The following CSMD1 variants were observed in gnomAD, a reference collection of about 807,000 sequenced individuals.
CSMD1 encodes the protein CUB and sushi domain-containing protein 1.
A neutral mutation model predicts 417.5 loss-of-function variants in CSMD1; 213 were observed. That is an observed-to-expected ratio of 0.51 (90% confidence interval 0.46 to 0.57). CSMD1 has a LOEUF of 0.57. Ranked by LOEUF, CSMD1 falls within the 20% of genes least tolerant of loss-of-function variation. The pLI, the probability that CSMD1 is intolerant of heterozygous loss-of-function variation, is 0.00. For missense variants in CSMD1, 6,923 were observed against 4,529.7 expected, an observed-to-expected ratio of 1.53 and a Z score of -15.17; for synonymous variants, 2,862 against 1,736.8, an observed-to-expected ratio of 1.65 and a Z score of -16.11.
chr8:4,043,573 C>T (rs537172647), intron 3 of CSMD1, among the ~76,000 whole-genome samples: 1 of 152,084 alleles, frequency 6.6e-6, no homozygotes, highest in Non-Finnish European at 1.5e-5. Flanking sequence ...TGCTGTCTGG[C>T]CGCCTTGAGG....
intron 7 of CSMD1, among the ~76,000 whole-genome samples, chr8:3,629,154 G>C (rs189470081): frequency 6.6e-6 from 1 of 152,040 alleles, no homozygotes; most frequent in Non-Finnish European, 1.5e-5. Context: ...GAAAGAACCC[G>C]GGATGTTCGC....
At chr8:3,134,851 C>T (rs1440511998) in intron 41 of CSMD1, among the ~76,000 whole-genome samples, 1 of 152,174 alleles carries the variant, frequency 6.6e-6, no homozygotes, top group East Asian at 1.9e-4. Flanking sequence ...TGTGCATAAC[C>T]CTTGGAATTT....
chr8:4,494,733 T>C (rs1044112480), intron 2 of CSMD1, among the ~76,000 whole-genome samples: 4 of 152,076 alleles, frequency 2.6e-5, no homozygotes, highest in Non-Finnish European at 5.9e-5. Context: ...TATGCAAAAA[T>C]GGCTGCATAG....
In CSMD1 at chr8:3,029,322, G is replaced by T. The variant is rs766376387; in HGVS notation, c.7852C>A (p.Arg2618=). ...GGGTGCCTCCCTCATCACTTACCTC[G>T]ACAGCTTGGCCTCTCATCTCCTATG... ...WNIGDERPSC[R]VISCGSLSFP... is the part of the protein sequence containing the mutation. The change falls in exon 51 of 70, where the codon CGA becomes AGA. Residue 2618 remains arginine (R), a synonymous_variant. Transcript: ENST00000635120. The T allele has an allele frequency of 2.5e-6, 4 of 1,601,572 alleles. No individual in the cohort carries two copies. In the Admixed American group the frequency reaches 6.8e-5, roughly 27 times the overall value.
chr8:3,945,018 G>C (rs1272835375), intron 5 of CSMD1, among the ~76,000 whole-genome samples: 1 of 152,166 alleles, frequency 6.6e-6, no homozygotes, highest in East Asian at 1.9e-4. Flanking sequence ...AATGTGAAAT[G>C]TCAGATGTCC....
chr8:4,000,986 C>A (rs1267594844), intron 4 of CSMD1, among the ~76,000 whole-genome samples: 4 of 151,642 alleles, frequency 2.6e-5, no homozygotes, highest in East Asian at 1.9e-4. Context: ...AAACTACATA[C>A]ATTCTTCATA....
intron 3 of CSMD1, among the ~76,000 whole-genome samples, chr8:4,232,444 C>T (rs1394222665): frequency 3.6e-4 from 55 of 152,124 alleles, no homozygotes; most frequent in Non-Finnish European, 1.5e-5. Flanking sequence ...GGTGATCTGC[C>T]CACCTCAGAT....
At chr8:3,308,063 CT>C (rs1805022855) in intron 24 of CSMD1, among the ~76,000 whole-genome samples, 3 of 51,230 alleles carry the variant, frequency 5.9e-5, no homozygotes, top group African/African-American at 1.5e-4. Context: ...TGTGATAATT[CT>C]AATAATATGT....
At chr8:3,237,722 T>C (rs1040915124) in intron 26 of CSMD1, among the ~76,000 whole-genome samples, 1 of 141,946 alleles carries the variant, frequency 7.0e-6, no homozygotes, top group African/African-American at 2.5e-5. Flanking sequence ...ATTATACTTA[T>C]ACTACAAATA....
chr8:4,794,591 T>A (rs1183276902), intron 1 of CSMD1, among the ~76,000 whole-genome samples: 1 of 152,080 alleles, frequency 6.6e-6, no homozygotes, highest in Non-Finnish European at 1.5e-5. Context: ...CTCTCACCCC[T>A]CACACGCCTC....
chr8:3,181,429 G>A (rs1821316815), intron 36 of CSMD1, among the ~76,000 whole-genome samples: 1 of 152,190 alleles, frequency 6.6e-6, no homozygotes, highest in South Asian at 2.1e-4. Flanking sequence ...ACCTGCTCAA[G>A]TCGATGTGAC....
At chr8:3,892,103 G>T (rs544718016) in intron 5 of CSMD1, among the ~76,000 whole-genome samples, 2 of 151,808 alleles carry the variant, frequency 1.3e-5, no homozygotes, top group South Asian at 4.2e-4. Flanking sequence ...TCCTATTCAG[G>T]CAGGACAGAT....
At chr8:3,952,421 G>A (rs774956138) in intron 5 of CSMD1, among the ~76,000 whole-genome samples, 8 of 152,166 alleles carry the variant, frequency 5.3e-5, no homozygotes, top group Non-Finnish European at 8.8e-5. Flanking sequence ...ATGTTGATAT[G>A]TAAAGGGTAA....
intron 54 of CSMD1, among the ~76,000 whole-genome samples, chr8:2,992,585 G>C (rs1032081015): frequency 1.7e-4 from 26 of 150,968 alleles, no homozygotes; most frequent in African/African-American, 5.9e-4. Context: ...CACCACACCT[G>C]GCTAATTTTT....
At position 4,077,307 on chromosome 8, in the gene CSMD1, A is replaced by ATATGTG. The variant is rs1554439911; in HGVS notation, c.416-45209_416-45208insCACATA. Among the ~76,000 whole-genome samples the ATATGTG allele has an allele frequency of 2.7e-3, 376 of 141,484 alleles. 8 individuals carry two copies. The highest frequency in any genetic ancestry group is 9.5e-3 in the African/African-American group (352 of 37,206). 92.8% of individuals were successfully genotyped at this position (141,484 alleles called of 152,430 possible). Reference sequence around the variant, plus strand: ...TATATATATATATGTGTATATATATATATATATATATATATGGTAGACATA... The same window carrying ATATGTG: ...TATATATATATATGTGTATATATATATATGTGTATATATATATATATGGTAGACATA... On this transcript the variant is annotated intron_variant, in intron 3 of 69. Transcript: ENST00000635120.
intron 1 of CSMD1, among the ~76,000 whole-genome samples, chr8:4,908,528 C>G (rs1805451875): frequency 1.4e-5 from 2 of 140,478 alleles, no homozygotes; most frequent in South Asian, 4.6e-4. Context: ...TGGATGTTCT[C>G]TTCTGTTTTT....
At chr8:4,057,129 T>A (rs972666441) in intron 3 of CSMD1, among the ~76,000 whole-genome samples, 1 of 152,222 alleles carries the variant, frequency 6.6e-6, no homozygotes, top group Admixed American at 6.5e-5. Context: ...CCACAAGGGT[T>A]GAACTAGTTT....
intron 5 of CSMD1, among the ~76,000 whole-genome samples, chr8:3,755,674 A>G (rs371350908): frequency 1.5e-4 from 23 of 152,170 alleles, no homozygotes; most frequent in African/African-American, 5.3e-4. Context: ...GATGAAATAC[A>G]TAGTCAAGCT....
At chr8:2,975,055 T>C (rs1184978909) in intron 55 of CSMD1, among the ~76,000 whole-genome samples, 1 of 152,206 alleles carries the variant, frequency 6.6e-6, no homozygotes, top group Non-Finnish European at 1.5e-5. Context: ...GCGGACATGA[T>C]TCTGTCAAAT....
Sources: allele counts gnomAD v4.1 joint callset (sites outside exome capture counted in the v4.1 genomes callset), GRCh38; gene constraint gnomAD v4.1.1; transcripts MANE v1.5; gene names NCBI Gene and HGNC (gene_info 2026-07-23, HGNC 2026-07-21).